ZFAND3: variants seen among roughly 807,000 people sequenced by gnomAD.
ZFAND3 encodes zinc finger AN1-type containing 3, also known as AN1-type zinc finger protein 3.
In ZFAND3, 10 loss-of-function variants were observed where a neutral mutation model predicts 29.6. That is an observed-to-expected ratio of 0.34 (90% CI 0.21 to 0.57). The LOEUF (loss-of-function observed/expected upper bound fraction) is 0.57. ZFAND3 is among the 20% of genes least tolerant of loss of function. The pLI is 0.86. For missense variants in ZFAND3, 230 were observed against 304.5 expected (o/e 0.76, Z 1.82); for synonymous variants, 128 against 112.6 (o/e 1.14, Z -0.87).
At chr6:38,063,153 A>G (rs532555076) in intron 3 of ZFAND3, among the ~76,000 whole-genome samples, 10 of 152,296 alleles carry the variant, frequency 6.6e-5, no homozygotes, top group African/African-American at 1.9e-4. Context: ...AGTAGGTTAG[A>G]ATGTTCTGTG....
In ZFAND3 at chr6:37,972,248, G is replaced by A. The variant is rs1762401419; in HGVS notation, c.112+42249G>A. Among the ~76,000 whole-genome samples the A allele has an allele frequency of 2.0e-5, 3 of 152,128 alleles. No homozygotes were observed. In the South Asian group the frequency reaches 6.2e-4, roughly 32 times the overall value. The stretch of plus-strand genomic sequence containing the variant: ...CTGAGGCAGCAGCTGTTCTCCAGCT[G>A]CACACAGAAGGCCCACATAAAGCTG... On this transcript the variant is annotated intron_variant, in intron 2 of 5. Coordinates refer to ENST00000287218, the MANE Select transcript of ZFAND3 (RefSeq NM_021943.3).
At chr6:37,891,364 T>A (rs1478446682) in intron 1 of ZFAND3, among the ~76,000 whole-genome samples, 1 of 146,022 alleles carries the variant, frequency 6.8e-6, no homozygotes, top group Admixed American at 6.9e-5. Flanking sequence ...CCAAAATACA[T>A]GAAGCAAAAC....
chr6:37,978,927 C>G (rs552034697), intron 2 of ZFAND3, among the ~76,000 whole-genome samples: 1 of 151,408 alleles, frequency 6.6e-6, no homozygotes, highest in Non-Finnish European at 1.5e-5. Context: ...GTGAAGACAC[C>G]TCTCATTTCT....
chr6:37,974,084 C>A (rs1330716625), intron 2 of ZFAND3, among the ~76,000 whole-genome samples: 1 of 152,196 alleles, frequency 6.6e-6, no homozygotes, highest in African/African-American at 2.4e-5. Context: ...AATTCCCATA[C>A]CTGCCACCTT....
chr6:38,048,733 AAAGT>A (rs1486283673), intron 2 of ZFAND3, among the ~76,000 whole-genome samples: 1 of 152,098 alleles, frequency 6.6e-6, no homozygotes, highest in African/African-American at 2.4e-5. Flanking sequence ...AACTGAAATA[AAAGT>A]AAGTAACTTT....
intron 5 of ZFAND3, among the ~76,000 whole-genome samples, chr6:38,144,218 A>ATAAAATAT (rs1554183997): frequency 3.2e-5 from 1 of 31,448 alleles, no homozygotes; most frequent in African/African-American, 1.9e-4. Flanking sequence ...TATAATATAT[A>ATAAAATAT]ATATATATAT....
chr6:37,999,872 G>A (rs927486098), intron 2 of ZFAND3, among the ~76,000 whole-genome samples: 1 of 152,136 alleles, frequency 6.6e-6, no homozygotes, highest in Non-Finnish European at 1.5e-5. Context: ...CTCGTTAATT[G>A]TAACAAATAT....
intron 5 of ZFAND3, among the ~76,000 whole-genome samples, chr6:38,127,972 T>C (rs900462602): frequency 6.6e-6 from 1 of 152,180 alleles, no homozygotes; most frequent in African/African-American, 2.4e-5. Context: ...TACCCACATT[T>C]CTTGGTCTTT....
At chr6:37,879,733 G>A (rs941110011) in intron 1 of ZFAND3, among the ~76,000 whole-genome samples, 2 of 152,158 alleles carry the variant, frequency 1.3e-5, no homozygotes, top group Admixed American at 1.3e-4. Flanking sequence ...TATCCTGCCT[G>A]TTATAGAACT....
intron 5 of ZFAND3, among the ~76,000 whole-genome samples, chr6:38,149,376 C>T (rs535240979): frequency 6.7e-6 from 1 of 148,658 alleles, no homozygotes. Flanking sequence ...CGCACCACAG[C>T]GCTCCAGCCT....
intron 2 of ZFAND3, among the ~76,000 whole-genome samples, chr6:38,053,995 G>A (rs1433287935): frequency 6.6e-6 from 1 of 151,690 alleles, no homozygotes; most frequent in African/African-American, 2.4e-5. Flanking sequence ...ACATAAATAG[G>A]GAACATAGGA....
chr6:38,081,191 C>T (rs1026752200), intron 3 of ZFAND3, among the ~76,000 whole-genome samples: 5 of 151,808 alleles, frequency 3.3e-5, no homozygotes, highest in African/African-American at 1.2e-4. Flanking sequence ...TTATGATCTC[C>T]ATGACTGTGT....
intron 2 of ZFAND3, among the ~76,000 whole-genome samples, chr6:38,001,913 T>G (rs1167161981): frequency 6.6e-6 from 1 of 151,922 alleles, no homozygotes; most frequent in Non-Finnish European, 1.5e-5. Flanking sequence ...TCTTTTAGTC[T>G]TTTCTTTTAG....
intron 1 of ZFAND3, among the ~76,000 whole-genome samples, chr6:37,866,060 T>C (rs1764585192): frequency 6.6e-6 from 1 of 152,148 alleles, no homozygotes; most frequent in Non-Finnish European, 1.5e-5. Context: ...TTCTTGGCCT[T>C]AAACTATCCT....
At chr6:37,928,238 A>C (rs1201979034) in intron 1 of ZFAND3, among the ~76,000 whole-genome samples, 2 of 152,228 alleles carry the variant, frequency 1.3e-5, no homozygotes, top group Non-Finnish European at 2.9e-5. Context: ...AACAATCAGC[A>C]TCAGAGAATA....
At chr6:38,152,134 T>C in intron 5 of ZFAND3, 101 bp from the exon 6 acceptor site, 1 of 1,153,904 alleles carries the variant, frequency 8.7e-7, no homozygotes, top group Non-Finnish European at 1.2e-6. Context: ...GTCCACTCAC[T>C]GGGATGCCCC....
At chr6:37,929,777 A>AT (rs1167019466) in intron 1 of ZFAND3, among the ~76,000 whole-genome samples, 182 bp from the exon 2 acceptor site, 2 of 149,904 alleles carry the variant, frequency 1.3e-5, no homozygotes, top group East Asian at 3.9e-4. Flanking sequence ...TTTTTTTTTA[A>AT]TTTTTATTTT....
intron 2 of ZFAND3, among the ~76,000 whole-genome samples, chr6:38,012,869 T>A (rs892018346): frequency 3.9e-5 from 6 of 152,282 alleles, no homozygotes; most frequent in Middle Eastern, 6.8e-3. Flanking sequence ...GGGGAATGGC[T>A]GAGGGGCTTG....
At position 38,034,481 on chromosome 6, in the gene ZFAND3, G is replaced by A. The variant is rs79138065; in HGVS notation, c.113-27112G>A. Reference sequence around the variant, plus strand: ...AGTTCAAGATATAAGGAGCATCTAAGAAAGAACTACTGCAAAGCCAGCAGA... The same window carrying A: ...AGTTCAAGATATAAGGAGCATCTAAAAAAGAACTACTGCAAAGCCAGCAGA... On this transcript the variant is annotated intron_variant, in intron 2 of 5. Transcript: ENST00000287218. 1.6e-3 allele frequency among the ~76,000 whole-genome samples: 245 copies of A among 152,216 alleles called. 1 individual carries two copies. The highest frequency in any genetic ancestry group is 5.6e-3 in the African/African-American group (234 of 41,548).
Sources: allele counts gnomAD v4.1 joint callset (sites outside exome capture counted in the v4.1 genomes callset), GRCh38; gene constraint gnomAD v4.1.1; transcripts MANE v1.5; gene names NCBI Gene and HGNC (gene_info 2026-07-23, HGNC 2026-07-21).